Variants in GKAP1 observed in about 807,000 individuals in gnomAD.
GKAP1 encodes G kinase anchoring protein 1.
A neutral mutation model predicts 56.7 loss-of-function variants in GKAP1; 31 were observed. The observed-to-expected ratio is 0.55, with a 90% CI of 0.41 to 0.74. The LOEUF is 0.74. Ranked by LOEUF, GKAP1 falls within the 30% of genes least tolerant of loss-of-function variation. The probability of loss-of-function intolerance (pLI) is 0.00; values close to 1 mark genes in which losing one functional copy is unlikely to be tolerated. For missense variants in GKAP1, 364 were observed against 402.3 expected (o/e 0.90, Z 0.82); for synonymous variants, 151 against 138.6 (o/e 1.09, Z -0.63).
Position 83,784,745 on chromosome 9 carries a change from T to C in GKAP1, c.532A>G (p.Thr178Ala), listed in dbSNP as rs558358060. 4.4e-6 allele frequency: 7 copies of C among 1,602,340 alleles called. No homozygotes were observed. The highest frequency in any genetic ancestry group is 6.0e-6 in the Non-Finnish European group (7 of 1,173,266). ...KNHQGKDRPL[T>A]VSLKDFHSED... is the part of the protein sequence containing the mutation. ...GAATGAAAATCTTTTAGTGATACTG[T>C]GAGAGGTCTGTCTTTTCCCTGATGA... The change falls in exon 6 of 13, where the codon ACA becomes GCA. Residue 178 changes from threonine (T) to alanine (A), a missense_variant. Coordinates refer to ENST00000376371, the MANE Select transcript of GKAP1 (RefSeq NM_025211.4).
chr9:83,779,072 C>G (rs1943910078), intron 7 of GKAP1, among the ~76,000 whole-genome samples: 1 of 151,944 alleles, frequency 6.6e-6, no homozygotes, highest in Admixed American at 6.6e-5. Context: ...CCATGTGTAT[C>G]TGCTTTCTTA....
chr9:83,782,580 A>G (rs1466970084), intron 6 of GKAP1, among the ~76,000 whole-genome samples: 4 of 144,692 alleles, frequency 2.8e-5, no homozygotes, highest in Non-Finnish European at 6.1e-5. Flanking sequence ...CTGGTCTCAA[A>G]CTCCTGACCT....
At chr9:83,772,489 G>A (rs1331160287) in intron 7 of GKAP1, among the ~76,000 whole-genome samples, 1 of 152,052 alleles carries the variant, frequency 6.6e-6, no homozygotes, top group African/African-American at 2.4e-5. Flanking sequence ...ACTTGTGTTA[G>A]GCAAAGATTT....
At chr9:83,784,164 G>A (rs1432415345) in intron 6 of GKAP1, among the ~76,000 whole-genome samples, 3 of 151,734 alleles carry the variant, frequency 2.0e-5, no homozygotes, top group Non-Finnish European at 4.4e-5. Flanking sequence ...CTACTCGGGA[G>A]ACTGAGGCAT....
intron 12 of GKAP1, among the ~76,000 whole-genome samples, chr9:83,741,540 T>C (rs1285387419): frequency 6.6e-6 from 1 of 152,066 alleles, no homozygotes; most frequent in Non-Finnish European, 1.5e-5. Context: ...AGCCACTAGA[T>C]GAAAAGGGTA....
intron 4 of GKAP1, among the ~76,000 whole-genome samples, chr9:83,796,287 T>C (rs956417687): frequency 6.6e-6 from 1 of 152,134 alleles, no homozygotes; most frequent in Admixed American, 6.6e-5. Flanking sequence ...GGACATTAAT[T>C]ATGCCTCTGT....
chr9:83,791,087 C>A (rs558118375), intron 4 of GKAP1, among the ~76,000 whole-genome samples: 1 of 152,030 alleles, frequency 6.6e-6, no homozygotes, highest in African/African-American at 2.4e-5. Context: ...TCATTCTAAT[C>A]GCATGATAAA....
intron 4 of GKAP1, among the ~76,000 whole-genome samples, chr9:83,789,910 C>T (rs1944126558): frequency 6.6e-6 from 1 of 152,146 alleles, no homozygotes; most frequent in African/African-American, 2.4e-5. Flanking sequence ...GTGAATCACT[C>T]AGTATCCTTC....
intron 8 of GKAP1, among the ~76,000 whole-genome samples, chr9:83,757,734 G>A (rs1038308830): frequency 6.6e-6 from 1 of 152,018 alleles, no homozygotes; most frequent in Non-Finnish European, 1.5e-5. Context: ...ATGCCAGTAA[G>A]AGATAATGAG....
At chr9:83,762,499 T>C (rs1351309033) in intron 8 of GKAP1, among the ~76,000 whole-genome samples, 1 of 152,154 alleles carries the variant, frequency 6.6e-6, no homozygotes, top group Non-Finnish European at 1.5e-5. Context: ...ACAGATTCAA[T>C]GCAATCCCTA....
chr9:83,767,461 G>A (rs1191540102), intron 8 of GKAP1, among the ~76,000 whole-genome samples: 1 of 151,156 alleles, frequency 6.6e-6, no homozygotes, highest in Non-Finnish European at 1.5e-5. Context: ...CTGGGTTCAA[G>A]TGATTCTCCT....
chr9:83,813,962 T>C (rs1460811546), intron 2 of GKAP1, among the ~76,000 whole-genome samples: 2 of 152,126 alleles, frequency 1.3e-5, no homozygotes, highest in Non-Finnish European at 1.5e-5. Context: ...TTAGCAGGCA[T>C]AGTGGTGCAT....
chr9:83,799,191 A>G lies in GKAP1; in HGVS notation c.354T>C (p.Asp118=), dbSNP rs895683075. 7 of 1,613,250 alleles carry G rather than the reference A, an allele frequency of 4.3e-6. No individual in the cohort carries two copies. Among genetic ancestry groups the G allele is most frequent in the Non-Finnish European group, 5.1e-6 (6 of 1,179,708 alleles). The change falls in exon 4 of 13, where the codon GAT becomes GAC. Residue 118 remains aspartate, a synonymous_variant. Transcript: ENST00000376371. ...TTTATTTACTTAGTTGTACCTGCTC[A>G]TCTCTTTGTCTCCACTCTTGCCAAT... The part of the protein sequence containing the change: ...EENWQEWRQR[D]EQLTSEMFEA...
intron 4 of GKAP1, among the ~76,000 whole-genome samples, chr9:83,793,262 C>A (rs995817012): frequency 6.6e-6 from 1 of 152,132 alleles, no homozygotes; most frequent in South Asian, 2.1e-4. Context: ...TACTATAAAA[C>A]AAAAGAGATC....
At chr9:83,764,148 G>A (rs1328835800) in intron 8 of GKAP1, among the ~76,000 whole-genome samples, 2 of 152,120 alleles carry the variant, frequency 1.3e-5, no homozygotes, top group Non-Finnish European at 2.9e-5. Flanking sequence ...AACCATAAAT[G>A]TTAATTAACA....
chr9:83,750,341 C>T (rs1191466013), intron 9 of GKAP1, among the ~76,000 whole-genome samples: 1 of 152,090 alleles, frequency 6.6e-6, no homozygotes, highest in Non-Finnish European at 1.5e-5. Context: ...AAATTAAATA[C>T]ACGTGTTGTT....
At chr9:83,775,898 A>AG (rs1165572233) in intron 7 of GKAP1, among the ~76,000 whole-genome samples, 5 of 149,514 alleles carry the variant, frequency 3.3e-5, no homozygotes, top group South Asian at 2.1e-4. Flanking sequence ...AAAAAAAAAA[A>AG]AGAGAGAGAA....
chr9:83,804,717 G>T (rs1420778904), intron 3 of GKAP1, among the ~76,000 whole-genome samples: 7 of 148,958 alleles, frequency 4.7e-5, no homozygotes, highest in African/African-American at 1.7e-4. Flanking sequence ...GTACGGGAGG[G>T]AGGTGGGGTC....
intron 12 of GKAP1, among the ~76,000 whole-genome samples, 178 bp downstream of exon 12, chr9:83,741,774 T>C (rs1943212980): frequency 6.6e-6 from 1 of 152,162 alleles, no homozygotes; most frequent in South Asian, 2.1e-4. Context: ...TTGCTGTATA[T>C]ACCAATGTCT....
Sources: gnomAD v4.1 joint callset for allele counts (sites outside exome capture counted in the v4.1 genomes callset) on GRCh38, gnomAD v4.1.1 for gene constraint, MANE v1.5 for transcripts, NCBI Gene and HGNC (gene_info 2026-07-23, HGNC 2026-07-21) for gene names.